Variants in UBE4A observed in about 807,000 individuals in gnomAD.
UBE4A encodes the protein ubiquitination factor E4A.
UBE4A carries 48 observed loss-of-function variants against 117.9 expected under a neutral mutation model. That is an observed-to-expected ratio of 0.41 (90% confidence interval 0.32 to 0.52). The LOEUF (loss-of-function observed/expected upper bound fraction) is 0.52, where lower values mean the gene tolerates loss of function less well. Among genes scored for constraint, UBE4A ranks in the 20% least tolerant of loss-of-function variants. The probability of loss-of-function intolerance (pLI) is 0.33; values close to 1 mark genes in which losing one functional copy is unlikely to be tolerated. For missense variants in UBE4A, 1,067 were observed against 1,296.3 expected (o/e 0.82, Z 2.72); for synonymous variants, 407 against 450.0 (o/e 0.90, Z 1.21).
At chr11:118,395,323 C>CGG in intron 19 of UBE4A, among the ~76,000 whole-genome samples, 1 of 150,054 alleles carries the variant, frequency 6.7e-6, no homozygotes, top group Non-Finnish European at 1.5e-5. Context: ...GAACAAGACT[C>CGG]CATCTCAGAA....
In UBE4A at chr11:118,362,660, G is replaced by A. The variant is rs1366521022; in HGVS notation, c.-41-2380G>A. ...TCAATTCTGTTTTCTAGTGTATGTT[G>A]GCTTGGTTTTAGGCTAGGCCTTTTC... is the stretch of plus-strand genomic sequence containing the variant. On this transcript the variant is annotated intron_variant, in intron 1 of 19. Transcript: ENST00000252108. Among the ~76,000 whole-genome samples the A allele has an allele frequency of 6.6e-5, 10 of 152,254 alleles. 1 individual carries two copies. The highest frequency in any genetic ancestry group is 3.4e-3 in the Middle Eastern group (1 of 294).
chr11:118,373,500 G>A lies in UBE4A; in HGVS notation c.931G>A (p.Val311Ile), dbSNP rs972939996. Residue 311 changes from valine to isoleucine, a missense_variant, in exon 8 of 20, where the codon GTA (valine) becomes ATA (isoleucine). Transcript: ENST00000252108. The part of the protein sequence containing the change: ...TRQKDMAKVF[V>I]EYIQPKDPTN... ...AACTTGTCTTCTCTTACAGGTTTTT[G>A]TAGAATACATTCAGCCCAAGGACCC... 3 of 1,611,388 alleles carry A rather than the reference G, an allele frequency of 1.9e-6. No homozygotes were observed. Among genetic ancestry groups the A allele is most frequent in the East Asian group, 2.2e-5 (1 of 44,868 alleles).
rs755980094 is a variant in UBE4A at position 118,373,105 on chromosome 11, G to T, written c.741G>T (p.Glu247Asp). Residue 247 changes from glutamate to aspartate, a missense_variant, in exon 7 of 20, where the codon GAG (glutamate) becomes GAT (aspartate). Transcript: ENST00000252108. The part of the protein sequence containing the change: ...IQGAHFEDVT[E>D]FLEEVIEALI... Reference sequence around the variant, plus strand: ...TGTTAGATTTTGAAGATGTAACTGAGTTTCTGGAAGAGGTCATTGAAGCCT... The same window carrying T: ...TGTTAGATTTTGAAGATGTAACTGATTTTCTGGAAGAGGTCATTGAAGCCT... 2 of 1,613,992 alleles carry T rather than the reference G, an allele frequency of 1.2e-6. No individual in the cohort carries two copies. The highest frequency in any genetic ancestry group is 1.7e-6 in the Non-Finnish European group (2 of 1,180,010).
chr11:118,367,404 T>C (rs11216859), intron 2 of UBE4A, among the ~76,000 whole-genome samples: 62,822 of 151,988 alleles, frequency 0.41, 13,996 homozygotes, highest in East Asian at 0.58. Flanking sequence ...ACCATTAAAT[T>C]GTTTTTTTAC....
At chr11:118,363,691 A>G (rs1325091298) in intron 1 of UBE4A, among the ~76,000 whole-genome samples, 1 of 144,164 alleles carries the variant, frequency 6.9e-6, no homozygotes, top group African/African-American at 2.6e-5. Flanking sequence ...AGCTCTCTGC[A>G]ACCTCTGCCT....
chr11:118,380,591 T>A (rs1565535076), intron 11 of UBE4A, among the ~76,000 whole-genome samples: 14 of 151,874 alleles, frequency 9.2e-5, no homozygotes, highest in Admixed American at 9.2e-4. Context: ...GAAAATAAAT[T>A]AATTAATTAA....
Position 118,370,577 on chromosome 11 carries a change from C to T in UBE4A, c.409-937C>T, listed in dbSNP as rs535026215. On this transcript the variant is annotated intron_variant, in intron 4 of 19. Coordinates refer to ENST00000252108, the MANE Select transcript of UBE4A (RefSeq NM_001204077.2). ...CAGAGGCTGCAGTGAGCCATAGTCA[C>T]ACGACTGCACTCCAGCCTGGGCGAC... Among the ~76,000 whole-genome samples, 3 of 150,868 alleles carry T rather than the reference C, an allele frequency of 2.0e-5. No homozygotes were observed. In the East Asian group the frequency reaches 5.9e-4, roughly 30 times the overall value.
intron 2 of UBE4A, among the ~76,000 whole-genome samples, chr11:118,367,692 G>A (rs940231709): frequency 6.6e-6 from 1 of 151,708 alleles, no homozygotes; most frequent in South Asian, 2.1e-4. Flanking sequence ...TAGGGATGGG[G>A]TTTCACCATG....
At chr11:118,369,641 T>A in intron 4 of UBE4A, 106 bp downstream of exon 4, 8 of 602,136 alleles carry the variant, frequency 1.3e-5, no homozygotes, top group East Asian at 3.1e-5. Context: ...TGTCCATCCC[T>A]CTCTCTTTTT....
rs1388606121 is a variant in UBE4A, at chr11:118,384,965, A to G, written c.2412+20A>G. On this transcript the variant is annotated intron_variant, in intron 15 of 19. Coordinates refer to ENST00000252108, the MANE Select transcript of UBE4A (RefSeq NM_001204077.2). ...ATACAGGTAAAAAAAAAAAAAAAAAAAAAGATTTAACTTCTCCATACCATC... is the reference window on the plus strand; with the variant it reads ...ATACAGGTAAAAAAAAAAAAAAAAAGAAAGATTTAACTTCTCCATACCATC... 2.0e-6 allele frequency: 3 copies of G among 1,520,042 alleles called. No individual in the cohort carries two copies. Among genetic ancestry groups the G allele is most frequent in the African/African-American group, 2.8e-5 (2 of 71,490 alleles). 94.2% of individuals were successfully genotyped at this position (1,520,042 alleles called of 1,614,324 possible). A position where few individuals can be genotyped will look rare whatever the true frequency, so the allele number is the denominator to read the frequency against.
chr11:118,375,869 T>C (rs1174464325), intron 9 of UBE4A, among the ~76,000 whole-genome samples: 2 of 152,198 alleles, frequency 1.3e-5, no homozygotes, highest in Non-Finnish European at 2.9e-5. Flanking sequence ...TAATATGGTA[T>C]AGGGCTAAGC....
intron 4 of UBE4A, among the ~76,000 whole-genome samples, chr11:118,371,079 T>C (rs1173973606): frequency 2.0e-5 from 3 of 152,214 alleles, no homozygotes; most frequent in African/African-American, 7.2e-5. Context: ...CAGTGCGTTG[T>C]ACCTTGCAGG....
rs555061405 is a variant in UBE4A, at chr11:118,395,332, A to G, written c.3075-982A>G. 2.1e-4 allele frequency among the ~76,000 whole-genome samples: 29 copies of G among 138,054 alleles called. No homozygotes were observed. In the East Asian group the frequency reaches 5.6e-3, roughly 27 times the overall value. The allele number at this position is 138,054 out of a possible 152,430, so 90.6% of individuals were successfully genotyped here. A position where few individuals can be genotyped will look rare whatever the true frequency, so the allele number is the denominator to read the frequency against. On this transcript the variant is annotated intron_variant, in intron 19 of 19. Coordinates refer to ENST00000252108, the MANE Select transcript of UBE4A (RefSeq NM_001204077.2). ...GCAACAGAACAAGACTCCATCTCAG[A>G]AAAAAAAAAAAAAAAGAATTTTCTA... is the stretch of plus-strand genomic sequence containing the variant.
At position 118,392,810 on chromosome 11, in the gene UBE4A, A is replaced by T; in HGVS notation, c.2989A>T (p.Met997Leu). The T allele has an allele frequency of 6.2e-7, 1 of 1,614,178 alleles. No individual in the cohort carries two copies. Among genetic ancestry groups the T allele is most frequent in the Non-Finnish European group, 8.5e-7 (1 of 1,180,018 alleles). ...CTGTGATGAGTTCCTGGATCCCATTATGAGCACACTGATGTGTGACCCTGT... is the reference window on the plus strand; with the variant it reads ...CTGTGATGAGTTCCTGGATCCCATTTTGAGCACACTGATGTGTGACCCTGT... ...DACDEFLDPI[M>L]STLMCDPVVL... is the part of the protein sequence containing the mutation. Residue 997 changes from methionine (M) to leucine (L), a missense_variant, in exon 19 of 20, where the codon ATG (methionine) becomes TTG (leucine). Around this residue, in one of 3 missense-constraint regions of UBE4A, gnomAD observed 34 missense variants for 77.7 expected, o/e 0.44. Transcript: ENST00000252108.
chr11:118,382,902 A>G (rs1442652452), intron 13 of UBE4A, 126 bp downstream of exon 13: 2 of 859,486 alleles, frequency 2.3e-6, no homozygotes, highest in Non-Finnish European at 3.1e-6. Flanking sequence ...ACTATATGCC[A>G]GGCTTGATGA....
At chr11:118,361,688 C>T (rs1414087042) in intron 1 of UBE4A, among the ~76,000 whole-genome samples, 1 of 152,208 alleles carries the variant, frequency 6.6e-6, no homozygotes, top group African/African-American at 2.4e-5. Context: ...CCATTCTACA[C>T]ATGCCAAGAT....
intron 1 of UBE4A, among the ~76,000 whole-genome samples, chr11:118,360,311 T>G (rs1948510593): frequency 6.6e-6 from 1 of 152,164 alleles, no homozygotes; most frequent in Admixed American, 6.5e-5. Flanking sequence ...ATGTGTTTAG[T>G]CTCGCTGTCA....
chr11:118,395,361 C>G (rs1948861040), intron 19 of UBE4A, among the ~76,000 whole-genome samples: 1 of 151,838 alleles, frequency 6.6e-6, no homozygotes, highest in Admixed American at 6.6e-5. Flanking sequence ...TTTTCTACCT[C>G]TTGGTATTTG....
intron 1 of UBE4A, among the ~76,000 whole-genome samples, chr11:118,362,790 T>C (rs1948530625): frequency 1.3e-5 from 2 of 152,344 alleles, no homozygotes; most frequent in South Asian, 4.1e-4. Context: ...CTGGTATTCA[T>C]TGACTCTGTT....
Sources: allele counts gnomAD v4.1 joint callset (sites outside exome capture counted in the v4.1 genomes callset), GRCh38; gene constraint gnomAD v4.1.1; regional missense constraint gnomAD v4.1.1; transcripts MANE v1.5; gene names NCBI Gene and HGNC (gene_info 2026-07-23, HGNC 2026-07-21).